Variants in CALD1 observed in about 807,000 individuals in gnomAD.
CALD1 encodes the protein caldesmon 1.
Under a neutral mutation model 99.9 loss-of-function variants are expected in CALD1, and 33 were observed. That is an observed-to-expected ratio of 0.33 (90% CI 0.25 to 0.44). The LOEUF (loss-of-function observed/expected upper bound fraction) is 0.44, where lower values mean the gene tolerates loss of function less well. CALD1 is among the 20% of genes least tolerant of loss of function. The pLI, the probability that CALD1 is intolerant of heterozygous loss-of-function variation, is 1.00. For missense variants in CALD1, 861 were observed against 962.1 expected (o/e 0.89, Z 1.39); for synonymous variants, 310 against 325.0 (o/e 0.95, Z 0.50).
At chr7:134,768,145 G>A (rs1275982538) in intron 1 of CALD1, among the ~76,000 whole-genome samples, 2 of 152,300 alleles carry the variant, frequency 1.3e-5, no homozygotes, top group African/African-American at 4.8e-5. Flanking sequence ...AGGCTGAGGG[G>A]ATGGCCAGTC....
At chr7:134,917,358 AT>A (rs1179013269) in intron 3 of CALD1, among the ~76,000 whole-genome samples, 2 of 152,038 alleles carry the variant, frequency 1.3e-5, no homozygotes, top group Non-Finnish European at 2.9e-5. Flanking sequence ...AAAAATTTTT[AT>A]TTTTTTGAGA....
chr7:134,803,387 A>T (rs1798018220), intron 1 of CALD1, among the ~76,000 whole-genome samples: 1 of 152,110 alleles, frequency 6.6e-6, no homozygotes, highest in South Asian at 2.1e-4. Context: ...TTTTAATGAA[A>T]TCCCATTTAT....
chr7:134,786,149 G>C (rs1797296073), intron 1 of CALD1, among the ~76,000 whole-genome samples: 1 of 152,126 alleles, frequency 6.6e-6, no homozygotes, highest in Admixed American at 6.5e-5. Flanking sequence ...ACCTCTGGGT[G>C]GTGGATCCCT....
chr7:134,955,961 T>G (rs1312628688), intron 9 of CALD1, among the ~76,000 whole-genome samples: 1 of 152,178 alleles, frequency 6.6e-6, no homozygotes, highest in Non-Finnish European at 1.5e-5. Context: ...AAAGTGCCAG[T>G]GCATTGCATA....
the CALD1 span, among the ~76,000 whole-genome samples, chr7:134,725,415 A>ATC: frequency 1.3e-5 from 2 of 152,192 alleles, no homozygotes; most frequent in African/African-American, 4.8e-5. Flanking sequence ...ATTTGTATGC[A>ATC]TCTCTCTCTC....
At chr7:134,900,597 G>A (rs1384117607) in intron 3 of CALD1, among the ~76,000 whole-genome samples, 1 of 152,042 alleles carries the variant, frequency 6.6e-6, no homozygotes, top group Non-Finnish European at 1.5e-5. Flanking sequence ...TAAGAAACTG[G>A]GGCCCGATAT....
intron 4 of CALD1, among the ~76,000 whole-genome samples, 177 bp from the exon 5 acceptor site, chr7:134,932,811 G>A (rs1255198280): frequency 6.6e-6 from 1 of 152,196 alleles, no homozygotes; most frequent in African/African-American, 2.4e-5. Context: ...AGAAAGGCTT[G>A]CAAATGCTGT....
rs750459070 is a variant in CALD1, at chr7:134,965,394, A to G, written c.2376+8A>G. ...GTCACTTCCCCCACTAAGGTAATCT[A>G]TTGGGAAGACTAGTATTTCAGAGGT... On this transcript the variant is annotated splice_region_variant and intron_variant, in intron 14 of 14. Transcript: ENST00000361675. 8 of 1,362,516 alleles carry G rather than the reference A, an allele frequency of 5.9e-6. No individual in the cohort carries two copies. Among genetic ancestry groups the G allele is most frequent in the Admixed American group, 5.0e-5 (3 of 59,714 alleles). 84.4% of individuals were successfully genotyped at this position (1,362,516 alleles called of 1,614,324 possible).
intron 7 of CALD1, among the ~76,000 whole-genome samples, chr7:134,943,196 T>C (rs1458943870): frequency 1.3e-5 from 2 of 151,328 alleles, no homozygotes; most frequent in African/African-American, 4.9e-5. Flanking sequence ...TAGGTAAGTT[T>C]AGTACCTACC....
chr7:134,925,904 A>C (rs1804978123), intron 3 of CALD1, among the ~76,000 whole-genome samples: 1 of 152,138 alleles, frequency 6.6e-6, no homozygotes. Flanking sequence ...GCAAATTGAG[A>C]CTTCCTGTTT....
In CALD1 at chr7:134,933,680, A is replaced by G. The variant is rs1190299255; in HGVS notation, c.911A>G (p.Gln304Arg). ...RIEAEEKAAA[Q>R]ERERREAEER... ...GAAGCAGAAGAAAAAGCAGCTGCCC[A>G]AGAAAGAGAAAGGAGAGAGGCAGAA... The change falls in exon 5 of 15, where the codon CAA (glutamine) becomes CGA (arginine). Residue 304 changes from glutamine to arginine, a missense_variant. By Grantham distance (43) the Gln-to-Arg change is conservative (BLOSUM62 1). This residue lies in a region of CALD1 where 234 missense variants were observed against 233.1 expected (regional missense o/e 1.00). Coordinates refer to ENST00000361675, the MANE Select transcript of CALD1 (RefSeq NM_033138.4). 1 of 1,589,972 alleles carries G rather than the reference A, an allele frequency of 6.3e-7. No individual in the cohort carries two copies. Among genetic ancestry groups the G allele is most frequent in the Non-Finnish European group, 8.6e-7 (1 of 1,166,914 alleles).
chr7:134,890,098 G>A (rs886083867), intron 3 of CALD1, among the ~76,000 whole-genome samples: 12 of 152,016 alleles, frequency 7.9e-5, no homozygotes, highest in African/African-American at 2.4e-4. Flanking sequence ...TAGTAGAGAC[G>A]GGGTTTCACC....
the CALD1 span, among the ~76,000 whole-genome samples, chr7:134,711,678 ATATGTGTGTGTGTGTG>A: frequency 3.6e-5 from 2 of 54,802 alleles, no homozygotes; most frequent in Non-Finnish European, 8.7e-5. Flanking sequence ...ATATATATAT[ATATGTGTGTGTGTGTG>A]TGTGTGTGTG....
intron 1 of CALD1, among the ~76,000 whole-genome samples, chr7:134,779,965 G>A (rs936213962): frequency 4.6e-5 from 7 of 152,110 alleles, no homozygotes; most frequent in African/African-American, 1.7e-4. Flanking sequence ...TTAGAATTGG[G>A]ACAAGAAGAG....
At position 134,771,859 on chromosome 7, in the gene CALD1, G is replaced by A. The variant is rs148513244; in HGVS notation, c.-130+27496G>A. ...GTTCCTTGACTTTATTCATGTCTCT[G>A]TTGAAAACCTTCTTCAGAAAAGACT... On this transcript the variant is annotated intron_variant, in intron 1 of 13. Coordinates refer to the CALD1 transcript ENST00000417172. 8.5e-5 allele frequency among the ~76,000 whole-genome samples: 13 copies of A among 152,126 alleles called. No individual in the cohort carries two copies. In the East Asian group the frequency reaches 1.2e-3, roughly 14 times the overall value.
chr7:134,804,732 T>G (rs1168885758), intron 1 of CALD1, among the ~76,000 whole-genome samples: 1 of 152,250 alleles, frequency 6.6e-6, no homozygotes, highest in East Asian at 1.9e-4. Context: ...ATTAATTTAT[T>G]GGCTGGGCAT....
intron 1 of CALD1, among the ~76,000 whole-genome samples, chr7:134,812,578 ATAGT>A (rs1798393084): frequency 7.1e-6 from 1 of 140,166 alleles, no homozygotes; most frequent in African/African-American, 2.6e-5. Context: ...ACTGGAAAGA[ATAGT>A]TAAAAAAAAA....
upstream of CALD1, among the ~76,000 whole-genome samples, chr7:134,775,018 T>C (rs558803154): frequency 8.3e-6 from 1 of 120,730 alleles, no homozygotes; most frequent in African/African-American, 3.3e-5. Context: ...TTATGTTATA[T>C]ACCCTATGAT....
At chr7:134,950,975 A>T (rs1162837642) in intron 9 of CALD1, among the ~76,000 whole-genome samples, 1 of 152,166 alleles carries the variant, frequency 6.6e-6, no homozygotes, top group African/African-American at 2.4e-5. Context: ...TATCACTCAC[A>T]GTTTTGGAGG....
Sources: gnomAD v4.1 joint callset for allele counts (sites outside exome capture counted in the v4.1 genomes callset) on GRCh38, gnomAD v4.1.1 for gene constraint, gnomAD v4.1.1 regional missense constraint, MANE v1.5 for transcripts, NCBI Gene and HGNC (gene_info 2026-07-23, HGNC 2026-07-21) for gene names.